Variants in OXA1L observed in about 807,000 individuals in gnomAD.
OXA1L encodes OXA1L mitochondrial inner membrane insertase.
OXA1L carries 42 observed loss-of-function variants against 52.2 expected under a neutral mutation model. The ratio of observed to expected loss-of-function variants is 0.80; its 90% CI spans 0.63 to 1.04. The LOEUF (loss-of-function observed/expected upper bound fraction) is 1.04. OXA1L is among the 50% of genes least tolerant of loss of function. OXA1L has a pLI of 0.00. For missense variants in OXA1L, 572 were observed against 555.0 expected (o/e 1.03, Z -0.31); for synonymous variants, 239 against 201.9 (o/e 1.18, Z -1.56).
Position 22,771,650 on chromosome 14 carries a change from T to C in OXA1L, c.*92T>C, listed in dbSNP as rs1188675515. On this transcript the variant is annotated 3_prime_UTR_variant, in exon 10 of 10. Transcript: ENST00000612549. ...TGACACTGTGTCCTTGCCCCAGTCC[T>C]AGGAACTGTGGCACACAGAGATGTT... is the stretch of plus-strand genomic sequence containing the variant. 2.3e-6 allele frequency: 3 copies of C among 1,303,540 alleles called. No homozygotes were observed. In the African/African-American group the frequency reaches 4.4e-5, roughly 19 times the overall value. The allele number at this position is 1,303,540 out of a possible 1,614,324, so 80.7% of individuals were successfully genotyped here.
rs1016767498 is a variant in OXA1L, at chr14:22,772,851, A to C, written c.*1293A>C. The C allele has an allele frequency of 6.1e-6, 1 of 165,000 alleles. No individual in the cohort carries two copies. Among genetic ancestry groups the C allele is most frequent in the South Asian group, 1.6e-4 (1 of 6,278 alleles). 10.2% of individuals were successfully genotyped at this position (165,000 alleles called of 1,614,324 possible). On this transcript the variant is annotated 3_prime_UTR_variant, in exon 10 of 10. Transcript: ENST00000612549. Reference sequence around the variant, plus strand: ...GTCTCTGCTAAAAAGTTAGCTGAGCATGGTGGTGCTTGTCCATAGTCCCAG... The same window carrying C: ...GTCTCTGCTAAAAAGTTAGCTGAGCCTGGTGGTGCTTGTCCATAGTCCCAG...
At position 22,767,263 on chromosome 14, in the gene OXA1L, G is replaced by C. The variant is rs1594937672; in HGVS notation, c.79G>C (p.Gly27Arg). ...ACACGCTCAGGTCCACAGCGTCGCA[G>C]GGCCCTCGCAATGGCTTGGGAAACC... ...QSGRRVHSVA[G>R]PSQWLGKPLT... Residue 27 changes from glycine (G) to arginine (R), a missense_variant, in exon 2 of 10, where the codon GGG becomes CGG. Physicochemically the swap from Gly to Arg is moderately radical, Grantham distance 125. This residue lies in a region of OXA1L where 186 missense variants were observed against 151.8 expected (regional missense o/e 1.23). Coordinates refer to ENST00000612549, the MANE Select transcript of OXA1L (RefSeq NM_005015.5). 6.2e-7 allele frequency: 1 copy of C among 1,610,724 alleles called. No homozygotes were observed.
At chr14:22,770,077 C>A in intron 4 of OXA1L, 116 bp from the exon 5 acceptor site, 1 of 1,364,140 alleles carries the variant, frequency 7.3e-7, no homozygotes, top group Non-Finnish European at 1.0e-6. Flanking sequence ...AGACCTAATG[C>A]TCCCAAGGAG....
Position 22,772,479 on chromosome 14 carries a change from A to T in OXA1L, c.*921A>T, listed in dbSNP as rs1217674280. On this transcript the variant is annotated 3_prime_UTR_variant, in exon 10 of 10. Transcript: ENST00000612549. ...ACTCCAGCCTGGGCAAGAGAGTGAG[A>T]CTCCTTCTCAAAAAAAAAAAAAAAA... 9.9e-6 allele frequency: 1 copy of T among 101,078 alleles called. No individual in the cohort carries two copies. The highest frequency in any genetic ancestry group is 1.8e-5 in the Non-Finnish European group (1 of 55,358). 6.3% of individuals were successfully genotyped at this position (101,078 alleles called of 1,614,324 possible). A position where few individuals can be genotyped will look rare whatever the true frequency, so the allele number is the denominator to read the frequency against.
At chr14:22,767,111 G>T in intron 1 of OXA1L, 137 bp from the exon 2 acceptor site, 1 of 1,533,840 alleles carries the variant, frequency 6.5e-7, no homozygotes, top group Admixed American at 2.0e-5. Flanking sequence ...CGGTCTGCGC[G>T]CGGTGATAGC....
At chr14:22,767,015 A>T (rs2139372306) in intron 1 of OXA1L, 1 of 1,535,606 alleles carries the variant, frequency 6.5e-7, no homozygotes, top group East Asian at 2.4e-5. Flanking sequence ...GGGCCCTCCG[A>T]TGTGGGTCTG....
Position 22,767,336 on chromosome 14 carries a change from C to T in OXA1L, c.152C>T (p.Pro51Leu). The change falls in exon 2 of 10, where the codon CCA (proline) becomes CTA (leucine). Residue 51 changes from proline (P) to leucine (L), a missense_variant. Physicochemically the swap from Pro to Leu is moderately conservative, Grantham distance 98. Coordinates refer to ENST00000612549, the MANE Select transcript of OXA1L (RefSeq NM_005015.5). ...LFPAAPCCCR[P>L]HYLFLAASGP... ...CCAGCAGCCCCGTGCTGCTGTCGCC[C>T]ACACTACCTCTTCCTTGCGGCTTCC... The T allele has an allele frequency of 2.5e-6, 4 of 1,613,944 alleles. No individual in the cohort carries two copies. The highest frequency in any genetic ancestry group is 3.4e-6 in the Non-Finnish European group (4 of 1,179,942).
chr14:22,770,700 G>A (rs980367966), intron 6 of OXA1L, 75 bp downstream of exon 6: 10 of 1,558,120 alleles, frequency 6.4e-6, no homozygotes, highest in Non-Finnish European at 7.1e-6. Flanking sequence ...GTACAGAATG[G>A]TCATCCTTCA....
intron 1 of OXA1L, 111 bp from the exon 2 acceptor site, chr14:22,767,137 A>G: frequency 6.5e-7 from 1 of 1,531,228 alleles, no homozygotes; most frequent in Non-Finnish European, 8.8e-7. Flanking sequence ...CCTCCCCTGT[A>G]GTGGCCGAGC....
At chr14:22,767,171 A>G (rs2038414042) in intron 1 of OXA1L, 77 bp from the exon 2 acceptor site, 1 of 1,557,820 alleles carries the variant, frequency 6.4e-7, no homozygotes, top group Admixed American at 1.8e-5. Context: ...GGGAGTTAGC[A>G]TAATGAATCC....
In OXA1L at chr14:22,771,023, G is replaced by A; in HGVS notation, c.945G>A (p.Val315=). ...LPITMHFPTA[V]FMYWLSSNLF... ...TTCTCTGTGTTCTCACCCAGGCAGT[G>A]TTTATGTACTGGCTCTCCTCCAATT... is the stretch of plus-strand genomic sequence containing the variant. Residue 315 remains valine, a synonymous_variant, in exon 8 of 10, where the codon GTG becomes GTA. Coordinates refer to ENST00000612549, the MANE Select transcript of OXA1L (RefSeq NM_005015.5). 5 of 1,614,214 alleles carry A rather than the reference G, an allele frequency of 3.1e-6. No homozygotes were observed. Among genetic ancestry groups the A allele is most frequent in the Admixed American group, 3.3e-5 (2 of 60,022 alleles).
In OXA1L at chr14:22,772,319, CT is replaced by C. The variant is rs1357148423; in HGVS notation, c.*762del. ...CCAACATGGTGAAACCCCGTCTCTA[CT>C]AAAAAAAAAAAAAAAAAAATTAGCC... On this transcript the variant is annotated 3_prime_UTR_variant, in exon 10 of 10. Transcript: ENST00000612549. 11 of 86,648 alleles carry C rather than the reference CT, an allele frequency of 1.3e-4. No individual in the cohort carries two copies. The highest frequency in any genetic ancestry group is 2.1e-4 in the Non-Finnish European group (9 of 42,522). The allele number at this position is 86,648 out of a possible 1,614,324, so 5.4% of individuals were successfully genotyped here. A position where few individuals can be genotyped will look rare whatever the true frequency, so the allele number is the denominator to read the frequency against.
chr14:22,767,179 T>C (rs1277482206), intron 1 of OXA1L, 69 bp from the exon 2 acceptor site: 11 of 1,561,670 alleles, frequency 7.0e-6, no homozygotes, highest in East Asian at 4.5e-5. Flanking sequence ...GCATAATGAA[T>C]CCCGTTTGCA....
chr14:22,771,592 G>A lies in OXA1L; in HGVS notation c.*34G>A, dbSNP rs1041073344. On this transcript the variant is annotated 3_prime_UTR_variant, in exon 10 of 10. Transcript: ENST00000612549. Reference sequence around the variant, plus strand: ...CTGTGCGCATTCTGGCAGGAATTCTGTCTCTTCAGAGACTCATCCTCAAAA... The same window carrying A: ...CTGTGCGCATTCTGGCAGGAATTCTATCTCTTCAGAGACTCATCCTCAAAA... The A allele has an allele frequency of 1.2e-6, 2 of 1,612,344 alleles. No homozygotes were observed. The highest frequency in any genetic ancestry group is 3.3e-4 in the Middle Eastern group (2 of 6,060).
intron 1 of OXA1L, 160 bp downstream of exon 1, chr14:22,766,924 C>T (rs1335259293): frequency 1.5e-5 from 23 of 1,513,364 alleles, no homozygotes; most frequent in South Asian, 4.9e-5. Flanking sequence ...GGTTAGTCCC[C>T]GACACTATGG....
At position 22,772,022 on chromosome 14, in the gene OXA1L, C is replaced by G. The variant is rs185203177; in HGVS notation, c.*464C>G. On this transcript the variant is annotated 3_prime_UTR_variant, in exon 10 of 10. Coordinates refer to ENST00000612549, the MANE Select transcript of OXA1L (RefSeq NM_005015.5). ...CTGAGGCAGGAGAATTGCTTGAATC[C>G]GAGAGGCGGAGGTTGCAGTGAGCCA... The G allele has an allele frequency of 2.1e-4, 33 of 159,160 alleles. No individual in the cohort carries two copies. The East Asian group carries it at 6.0e-3, about 29-fold the overall frequency. 9.9% of individuals were successfully genotyped at this position (159,160 alleles called of 1,614,324 possible).
chr14:22,771,821 T>G lies in OXA1L; in HGVS notation c.*263T>G. The G allele has an allele frequency of 5.1e-6, 2 of 393,554 alleles. No homozygotes were observed. Among genetic ancestry groups the G allele is most frequent in the Non-Finnish European group, 9.2e-6 (2 of 217,570 alleles). The allele number at this position is 393,554 out of a possible 1,614,324, so 24.4% of individuals were successfully genotyped here. The stretch of plus-strand genomic sequence containing the variant: ...GATACTTATTGAACAGGGAAATCAG[T>G]GTGCACTTCAGAAAACTGAAGAATA... On this transcript the variant is annotated 3_prime_UTR_variant, in exon 10 of 10. Transcript: ENST00000612549.
Position 22,770,296 on chromosome 14 carries a change from C to A in OXA1L, c.669+18C>A. Reference sequence around the variant, plus strand: ...TGACTCAGGTGAGCAAAAACATTTCCTTCCTTATTTCATCCAGTACCCATG... The same window carrying A: ...TGACTCAGGTGAGCAAAAACATTTCATTCCTTATTTCATCCAGTACCCATG... On this transcript the variant is annotated intron_variant, in intron 5 of 9. Transcript: ENST00000612549. The A allele has an allele frequency of 6.3e-7, 1 of 1,575,640 alleles. No homozygotes were observed. Among genetic ancestry groups the A allele is most frequent in the Non-Finnish European group, 8.7e-7 (1 of 1,145,062 alleles).
chr14:22,771,013 C>T lies in OXA1L; in HGVS notation c.940-5C>T, dbSNP rs780641155. ...TCTGAGTCCCTTCTCTGTGTTCTCA[C>T]CCAGGCAGTGTTTATGTACTGGCTC... On this transcript the variant is annotated splice_region_variant and splice_polypyrimidine_tract_variant and intron_variant, in intron 7 of 9. Transcript: ENST00000612549. The T allele has an allele frequency of 2.5e-6, 4 of 1,614,036 alleles. No homozygotes were observed. Among genetic ancestry groups the T allele is most frequent in the Non-Finnish European group, 3.4e-6 (4 of 1,180,002 alleles).
Sources: allele counts gnomAD v4.1 joint callset, GRCh38; gene constraint gnomAD v4.1.1; regional missense constraint gnomAD v4.1.1; transcripts MANE v1.5; gene names NCBI Gene and HGNC (gene_info 2026-07-23, HGNC 2026-07-21).